The following RGS7 variants were observed in gnomAD, a reference collection of about 807,000 sequenced individuals.
The protein encoded by RGS7 is regulator of G-protein signaling 7.
Under a neutral mutation model 81.1 loss-of-function variants are expected in RGS7, and 27 were observed. The ratio of observed to expected loss-of-function variants is 0.33; its 90% CI spans 0.25 to 0.46. The LOEUF (loss-of-function observed/expected upper bound fraction) is 0.46, where lower values mean the gene tolerates loss of function less well. RGS7 is among the 20% of genes least tolerant of loss of function. RGS7 has a pLI of 1.00. For missense variants in RGS7, 396 were observed against 607.4 expected (o/e 0.65, Z 3.66); for synonymous variants, 208 against 207.7 (o/e 1.00, Z -0.01).
chr1:240,856,011 C>A (rs563036534), intron 9 of RGS7, among the ~76,000 whole-genome samples: 1 of 151,926 alleles, frequency 6.6e-6, no homozygotes, highest in Non-Finnish European at 1.5e-5. Context: ...TCAGTTTAAG[C>A]CCTTTATCTA....
chr1:240,784,505 G>A (rs1684709801), intron 18 of RGS7, among the ~76,000 whole-genome samples: 1 of 151,020 alleles, frequency 6.6e-6, no homozygotes, highest in African/African-American at 2.4e-5. Context: ...AATTAGCCGG[G>A]CGTGGTGGCG....
At chr1:240,870,149 G>A (rs1664222604) in intron 6 of RGS7, 30 bp from the exon 7 acceptor site, 7 of 1,588,244 alleles carry the variant, frequency 4.4e-6, no homozygotes, top group Non-Finnish European at 5.2e-6. Context: ...TTTCTTGCCT[G>A]CTTATCAACA....
intron 4 of RGS7, among the ~76,000 whole-genome samples, chr1:240,949,181 CTCTTT>C (rs1296396943): frequency 1.3e-5 from 2 of 152,082 alleles, no homozygotes; most frequent in Admixed American, 6.5e-5. Flanking sequence ...TAAAAATGCT[CTCTTT>C]TCTTATTTTC....
intron 3 of RGS7, among the ~76,000 whole-genome samples, chr1:240,990,850 T>C (rs1686351677): frequency 6.6e-6 from 1 of 152,200 alleles, no homozygotes. Context: ...CTACGAGACT[T>C]TAAAAATGTT....
intron 6 of RGS7, among the ~76,000 whole-genome samples, chr1:240,916,109 C>CAAAA (rs60839025): frequency 1.4e-5 from 1 of 70,946 alleles, no homozygotes; most frequent in African/African-American, 4.6e-5. Context: ...CTAAAAATAC[C>CAAAA]AAAAAAAAAA....
chr1:241,022,753 T>A (rs531700558), intron 3 of RGS7, among the ~76,000 whole-genome samples: 71 of 152,298 alleles, frequency 4.7e-4, no homozygotes, highest in African/African-American at 1.7e-3. Flanking sequence ...GTGGCCAGCA[T>A]CGTGACACTT....
In RGS7 at chr1:241,206,960, G is replaced by GTTTT. The variant is rs67087891; in HGVS notation, c.79-108202_79-108199dup. Among the ~76,000 whole-genome samples the GTTTT allele has an allele frequency of 1.7e-4, 12 of 70,740 alleles. 1 individual carries two copies. The highest frequency in any genetic ancestry group is 1.0e-3 in the East Asian group (2 of 1,940). The allele number at this position is 70,740 out of a possible 152,430, so 46.4% of individuals were successfully genotyped here. A position where few individuals can be genotyped will look rare whatever the true frequency, so the allele number is the denominator to read the frequency against. On this transcript the variant is annotated intron_variant, in intron 2 of 18. Coordinates refer to ENST00000440928, the MANE Select transcript of RGS7 (RefSeq NM_001364886.1). ...CTTTTCTTCCTTCTTTCTCTCTCTG[G>GTTTT]TTTTTTTTTTTTTTTTTTTTTTTTT...
intron 9 of RGS7, among the ~76,000 whole-genome samples, chr1:240,842,762 C>T (rs7540088): frequency 0.67 from 101,448 of 151,942 alleles, 34,269 homozygotes; most frequent in Middle Eastern, 0.76. Flanking sequence ...TTCCTTCCTT[C>T]CTTCCTTCCT....
At chr1:241,034,594 A>G (rs2060239876) in intron 3 of RGS7, among the ~76,000 whole-genome samples, 1 of 152,264 alleles carries the variant, frequency 6.6e-6, no homozygotes, top group Admixed American at 6.5e-5. Flanking sequence ...GAAACAATAA[A>G]AACTTTTAAA....
At chr1:241,226,770 G>C (rs2247146) in intron 2 of RGS7, among the ~76,000 whole-genome samples, 27,676 of 152,162 alleles carry the variant, frequency 0.18, 3,058 homozygotes, top group African/African-American at 0.32. Context: ...TGCCACCATT[G>C]ATAGGAATAA....
intron 2 of RGS7, among the ~76,000 whole-genome samples, chr1:241,282,768 T>C (rs545685662): frequency 3.3e-5 from 5 of 152,342 alleles, no homozygotes; most frequent in African/African-American, 1.2e-4. Context: ...GAGTTTTTTA[T>C]CATAAATGGG....
chr1:241,068,822 G>A (rs1426705763), intron 3 of RGS7, among the ~76,000 whole-genome samples: 1 of 152,188 alleles, frequency 6.6e-6, no homozygotes, highest in Non-Finnish European at 1.5e-5. Context: ...CAGTGTTGGA[G>A]GCGGGGCCTG....
chr1:241,068,614 A>T (rs2062236444), intron 3 of RGS7, among the ~76,000 whole-genome samples: 1 of 152,118 alleles, frequency 6.6e-6, no homozygotes, highest in African/African-American at 2.4e-5. Context: ...GGAGTGTGGC[A>T]TCTGAGTCTG....
intron 2 of RGS7, among the ~76,000 whole-genome samples, chr1:241,330,436 G>A (rs977305992): frequency 1.3e-5 from 2 of 152,216 alleles, no homozygotes; most frequent in African/African-American, 2.4e-5. Flanking sequence ...TAAAGCCAGT[G>A]TGTGGGTTTA....
In RGS7 at chr1:241,271,634, G is replaced by C. The variant is rs2077900553; in HGVS notation, c.78+84065C>G. 6.6e-6 allele frequency among the ~76,000 whole-genome samples: 1 copy of C among 152,198 alleles called. No homozygotes were observed. Among genetic ancestry groups the C allele is most frequent in the African/African-American group, 2.4e-5 (1 of 41,450 alleles). ...AGTAAAGCAGACTGCCCATCCCACT[G>C]TGGGTGTGGCTTATCCAACCTGTTG... On this transcript the variant is annotated intron_variant, in intron 2 of 18. Coordinates refer to ENST00000440928, the MANE Select transcript of RGS7 (RefSeq NM_001364886.1). The surrounding 1 kb of genome is among the most constrained non-coding windows in gnomAD (Gnocchi z 4.6).
intron 2 of RGS7, among the ~76,000 whole-genome samples, chr1:241,201,972 G>C (rs1377621507): frequency 6.9e-6 from 1 of 145,640 alleles, no homozygotes; most frequent in African/African-American, 2.6e-5. Context: ...ATCTATTTCA[G>C]CCCACTACCT....
intron 4 of RGS7, among the ~76,000 whole-genome samples, chr1:240,977,632 C>A (rs1181281220): frequency 6.6e-6 from 1 of 152,158 alleles, no homozygotes; most frequent in African/African-American, 2.4e-5. Context: ...ATATATAAGA[C>A]CAGATTGCAA....
chr1:241,160,438 G>GTAT (rs35489497), intron 2 of RGS7, among the ~76,000 whole-genome samples: 54,894 of 150,660 alleles, frequency 0.36, 10,132 homozygotes, highest in East Asian at 0.47. Context: ...GGTGAAACAT[G>GTAT]TAGCAATCAA....
At chr1:241,010,198 GA>G (rs1374104717) in intron 3 of RGS7, among the ~76,000 whole-genome samples, 4 of 152,074 alleles carry the variant, frequency 2.6e-5, no homozygotes, top group African/African-American at 9.7e-5. Flanking sequence ...AAAAAGAAAA[GA>G]AACATGGTAT....
Sources: gnomAD v4.1 joint callset for allele counts (sites outside exome capture counted in the v4.1 genomes callset) on GRCh38, gnomAD v4.1.1 for gene constraint, Gnocchi (gnomAD v3.1) non-coding constraint, MANE v1.5 for transcripts, NCBI Gene and HGNC (gene_info 2026-07-23, HGNC 2026-07-21) for gene names.